Variants in UBR1 observed in about 807,000 individuals in gnomAD.
UBR1 encodes the protein E3 ubiquitin-protein ligase UBR1.
Under a neutral mutation model 242.1 loss-of-function variants are expected in UBR1, and 102 were observed. The ratio of observed to expected loss-of-function variants is 0.42; its 90% CI spans 0.36 to 0.50. UBR1 has a LOEUF of 0.50. UBR1 is among the 20% of genes least tolerant of loss of function. UBR1 has a pLI of 0.01. For synonymous variants in UBR1, 675 were observed against 684.8 expected, an observed-to-expected ratio of 0.99 and a Z score of 0.22; for missense variants, 1,772 against 2,101.8, an observed-to-expected ratio of 0.84 and a Z score of 3.07.
Position 42,960,649 on chromosome 15 carries a change from C to T in UBR1, c.4753G>A (p.Val1585Ile). Residue 1585 changes from valine to isoleucine, a missense_variant, in exon 43 of 47, where the codon GTC becomes ATC. Val to Ile is a conservative substitution (Grantham distance 29, BLOSUM62 3). Transcript: ENST00000290650. Reference sequence around the variant, plus strand: ...GGATTAAGTAGTAAAACCAACCTGACCACGGTGTTTTTTTGCTTCAAACAG... The same window carrying T: ...GGATTAAGTAGTAAAACCAACCTGATCACGGTGTTTTTTTGCTTCAAACAG... ...LNCLKQKNTV[V>I]RYPRKRNSLI... 1 of 1,614,020 alleles carries T rather than the reference C, an allele frequency of 6.2e-7. No individual in the cohort carries two copies. The highest frequency in any genetic ancestry group is 1.1e-5 in the South Asian group (1 of 91,084).
chr15:43,100,799 A>C (rs527656427), intron 1 of UBR1, among the ~76,000 whole-genome samples: 4 of 152,176 alleles, frequency 2.6e-5, no homozygotes, highest in Non-Finnish European at 5.9e-5. Flanking sequence ...CGCACCACGC[A>C]CTCCAGCCTG....
chr15:43,002,410 G>A lies in UBR1; in HGVS notation c.3659+145C>T, dbSNP rs574463618. The A allele has an allele frequency of 1.6e-5, 14 of 891,722 alleles. No individual in the cohort carries two copies. The African/African-American group carries it at 1.7e-4, about 11-fold the overall frequency. 55.2% of individuals were successfully genotyped at this position (891,722 alleles called of 1,614,324 possible). A position where few individuals can be genotyped will look rare whatever the true frequency, so the allele number is the denominator to read the frequency against. On this transcript the variant is annotated intron_variant, in intron 32 of 46. Coordinates refer to ENST00000290650, the MANE Select transcript of UBR1 (RefSeq NM_174916.3). ...TTTTTTTTGTATTTTTTGTAGAGAT[G>A]GGGTTTTACCATGTTACCCAGGCTG...
chr15:43,024,887 A>G lies in UBR1; in HGVS notation c.2681T>C (p.Val894Ala), dbSNP rs141507311. The G allele has an allele frequency of 5.0e-6, 8 of 1,614,074 alleles. No individual in the cohort carries two copies. Among genetic ancestry groups the G allele is most frequent in the Non-Finnish European group, 6.8e-6 (8 of 1,180,026 alleles). Residue 894 changes from valine (V) to alanine (A), a missense_variant, in exon 25 of 47, where the codon GTA (valine) becomes GCA (alanine). By Grantham distance (64) the Val-to-Ala change is moderately conservative. Transcript: ENST00000290650. Reference protein sequence around the residue: ...CDIMMYILRTVFERAIDTDSN... With the variant: ...CDIMMYILRTAFERAIDTDSN... The stretch of plus-strand genomic sequence containing the variant: ...ATCTGTGTCTATTGCCCGCTCAAAT[A>G]CGGTCCTGAGAATGTACATCATGAT...
Position 42,950,176 on chromosome 15 carries a change from A to G in UBR1, c.5108+86T>C, listed in dbSNP as rs1356011304. On this transcript the variant is annotated intron_variant, in intron 46 of 46. Coordinates refer to ENST00000290650, the MANE Select transcript of UBR1 (RefSeq NM_174916.3). ...TGTGATTAAAGAACTATTACCGTTT[A>G]CATACAATAATGTGACTGAAATAGA... 3.3e-6 allele frequency: 4 copies of G among 1,218,686 alleles called. No individual in the cohort carries two copies. In the African/African-American group the frequency reaches 6.0e-5, roughly 18 times the overall value. The allele number at this position is 1,218,686 out of a possible 1,614,324, so 75.5% of individuals were successfully genotyped here.
Position 43,066,718 on chromosome 15 carries a change from T to A in UBR1, c.798+1180A>T, listed in dbSNP as rs1423070753. On this transcript the variant is annotated intron_variant, in intron 6 of 46. Transcript: ENST00000290650. ...GGTATTTTATTCTCTCTGTAGCAAT[T>A]GTGAATGGGAACTTGTTAGAAATGA... 4.6e-5 allele frequency among the ~76,000 whole-genome samples: 7 copies of A among 152,296 alleles called. No individual in the cohort carries two copies. In the East Asian group the frequency reaches 1.4e-3, roughly 29 times the overall value.
At chr15:43,011,860 A>G in intron 29 of UBR1, 1 of 439,978 alleles carries the variant, frequency 2.3e-6, no homozygotes, top group Non-Finnish European at 4.5e-6. Context: ...CTAAATGTCT[A>G]AAGTCAGATG....
intron 15 of UBR1, among the ~76,000 whole-genome samples, chr15:43,041,857 T>C (rs1249801113): frequency 6.6e-6 from 1 of 152,054 alleles, no homozygotes; most frequent in African/African-American, 2.4e-5. Context: ...GATTAAAAAA[T>C]GGGCAGAGCA....
intron 13 of UBR1, 48 bp downstream of exon 13, chr15:43,048,343 AT>A (rs1246654888): frequency 2.7e-6 from 4 of 1,470,808 alleles, no homozygotes; most frequent in Non-Finnish European, 3.7e-6. Context: ...CTGCGGTTCA[AT>A]TTTTAAAAAT....
chr15:43,005,357 G>A (rs1286303102), intron 30 of UBR1, among the ~76,000 whole-genome samples: 21 of 148,226 alleles, frequency 1.4e-4, no homozygotes, highest in African/African-American at 4.5e-4. Context: ...CTGGCCAGCC[G>A]CCCCATCCGG....
chr15:43,075,132 AC>A, intron 3 of UBR1, 43 bp from the exon 4 acceptor site: 1 of 1,382,742 alleles, frequency 7.2e-7, no homozygotes, highest in South Asian at 1.2e-5. Flanking sequence ...CAAACATTTT[AC>A]TAAGCATGAA....
At chr15:42,990,744 A>G (rs1338513332) in intron 33 of UBR1, among the ~76,000 whole-genome samples, 2 of 152,326 alleles carry the variant, frequency 1.3e-5, no homozygotes, top group African/African-American at 4.8e-5. Flanking sequence ...TAATGACTGC[A>G]TAAATGTTCT....
At chr15:43,072,965 C>G (rs1255117256) in intron 4 of UBR1, among the ~76,000 whole-genome samples, 1 of 152,040 alleles carries the variant, frequency 6.6e-6, no homozygotes, top group African/African-American at 2.4e-5. Flanking sequence ...GAGTTCGAAT[C>G]AGCCTGGCCA....
intron 26 of UBR1, among the ~76,000 whole-genome samples, chr15:43,021,772 A>G (rs943207634): frequency 6.6e-6 from 1 of 152,210 alleles, no homozygotes; most frequent in Non-Finnish European, 1.5e-5. Context: ...TTATGTCTTC[A>G]TAATTATGTA....
rs1342295885 is a variant in UBR1, at chr15:43,076,449, A to G, written c.418-1360T>C. 2.7e-5 allele frequency among the ~76,000 whole-genome samples: 4 copies of G among 147,616 alleles called. No homozygotes were observed. In the East Asian group the frequency reaches 8.2e-4, roughly 30 times the overall value. On this transcript the variant is annotated intron_variant, in intron 3 of 46. Coordinates refer to ENST00000290650, the MANE Select transcript of UBR1 (RefSeq NM_174916.3). ...TCTCTGCCCGGCCGCCATCCCATCT[A>G]GGAAGCGAGGAGCGCCTCTTCCCCG...
chr15:43,080,070 C>A (rs1372056887), intron 3 of UBR1, among the ~76,000 whole-genome samples: 1 of 152,138 alleles, frequency 6.6e-6, no homozygotes, highest in African/African-American at 2.4e-5. Context: ...GTGTAAGGAA[C>A]CAAACAATAA....
chr15:43,037,653 T>C, intron 17 of UBR1, 120 bp downstream of exon 17: 1 of 820,802 alleles, frequency 1.2e-6, no homozygotes, highest in East Asian at 2.7e-5. Context: ...TCTAGGAGTT[T>C]ATACAAGAGA....
intron 46 of UBR1, among the ~76,000 whole-genome samples, chr15:42,948,015 C>T (rs1236197967): frequency 2.1e-4 from 32 of 152,150 alleles, no homozygotes; most frequent in African/African-American, 3.4e-4. Context: ...GGAGGCATCA[C>T]GCTACCTGAC....
chr15:43,078,415 T>G (rs1422577207), intron 3 of UBR1, among the ~76,000 whole-genome samples: 2 of 151,706 alleles, frequency 1.3e-5, no homozygotes, highest in African/African-American at 2.4e-5. Flanking sequence ...AAAAAAGAAA[T>G]TACACAGAAA....
chr15:43,002,465 C>T (rs2032741145), intron 32 of UBR1, 90 bp downstream of exon 32: 2 of 1,438,380 alleles, frequency 1.4e-6, no homozygotes, highest in Admixed American at 3.7e-5. Flanking sequence ...TGGCAATCCG[C>T]CCATCTCAGT....
Sources: gnomAD v4.1 joint callset for allele counts (sites outside exome capture counted in the v4.1 genomes callset) on GRCh38, gnomAD v4.1.1 for gene constraint, MANE v1.5 for transcripts, NCBI Gene and HGNC (gene_info 2026-07-23, HGNC 2026-07-21) for gene names.